Variants in EYS observed in about 807,000 individuals in gnomAD.
EYS encodes EGF-like photoreceptor maintenance factor, also known as protein eyes shut homolog.
Under a neutral mutation model 282.1 loss-of-function variants are expected in EYS, and 250 were observed. The ratio of observed to expected loss-of-function variants is 0.89; its 90% confidence interval spans 0.80 to 0.98. EYS has a LOEUF of 0.98. Among genes scored for constraint, EYS ranks in the 50% least tolerant of loss-of-function variants. EYS has a pLI of 0.00. For missense variants in EYS, 4,016 were observed against 3,709.0 expected (o/e 1.08, Z -2.15); for synonymous variants, 1,355 against 1,282.9 (o/e 1.06, Z -1.20).
At chr6:65,607,438 A>G (rs1232555628) in intron 2 of EYS, among the ~76,000 whole-genome samples, 1 of 151,878 alleles carries the variant, frequency 6.6e-6, no homozygotes, top group African/African-American at 2.4e-5. Context: ...AACAGAACCA[A>G]TACAATTAAT....
At position 64,738,746 on chromosome 6, in the gene EYS, A is replaced by G. The variant is rs143349024; in HGVS notation, c.3443+74632T>C. 5.3e-3 allele frequency among the ~76,000 whole-genome samples: 808 copies of G among 152,316 alleles called. 12 individuals are homozygous for G. The highest frequency in any genetic ancestry group is 0.018 in the African/African-American group (760 of 41,560). On this transcript the variant is annotated intron_variant, in intron 22 of 42. Coordinates refer to ENST00000503581, the MANE Select transcript of EYS (RefSeq NM_001142800.2). ...GAGAGAAAGGCCATGCAAAAAAGGA[A>G]AAAGACTCAAATTTTAGTAATTTTT... is the stretch of plus-strand genomic sequence containing the variant.
chr6:65,528,096 T>C (rs1331862072), intron 2 of EYS, among the ~76,000 whole-genome samples: 1 of 152,194 alleles, frequency 6.6e-6, no homozygotes, highest in Non-Finnish European at 1.5e-5. Flanking sequence ...AGCACATATG[T>C]TGAAACAATG....
chr6:65,436,940 C>A (rs1260699548), intron 5 of EYS, among the ~76,000 whole-genome samples: 1 of 151,872 alleles, frequency 6.6e-6, no homozygotes, highest in African/African-American at 2.4e-5. Flanking sequence ...TCAAGAATGG[C>A]CAAGACAATT....
At chr6:63,908,238 G>GTATTT (rs1403460642) in intron 35 of EYS, among the ~76,000 whole-genome samples, 10 of 151,030 alleles carry the variant, frequency 6.6e-5, no homozygotes, top group African/African-American at 2.4e-4. Flanking sequence ...TAATCATCAA[G>GTATTT]AATGCAAATT....
intron 8 of EYS, among the ~76,000 whole-genome samples, chr6:65,382,392 T>C (rs1765647357): frequency 6.6e-6 from 1 of 151,718 alleles, no homozygotes; most frequent in South Asian, 2.1e-4. Flanking sequence ...TTAAATTATC[T>C]TAGTGTTTCT....
chr6:65,298,014 G>GTCA (rs1338936274), intron 11 of EYS, among the ~76,000 whole-genome samples: 1 of 151,992 alleles, frequency 6.6e-6, no homozygotes, highest in African/African-American at 2.4e-5. Flanking sequence ...GCAAGCTTTA[G>GTCA]TCATAATGCT....
chr6:65,317,825 C>CCTTCCTTCCTTCCTTT (rs1562092985), intron 11 of EYS, among the ~76,000 whole-genome samples: 49 of 81,146 alleles, frequency 6.0e-4, no homozygotes, highest in Non-Finnish European at 7.0e-4. Context: ...TTCCTTCCTT[C>CCTTCCTTCCTTCCTTT]CTTTCTTTCT....
At chr6:65,257,964 T>C (rs1767515587) in intron 12 of EYS, among the ~76,000 whole-genome samples, 1 of 152,072 alleles carries the variant, frequency 6.6e-6, no homozygotes, top group Admixed American at 6.6e-5. Flanking sequence ...CAAGAAATTA[T>C]TGTACATTTT....
chr6:64,738,149 T>C (rs1194215130), intron 22 of EYS, among the ~76,000 whole-genome samples: 1 of 152,148 alleles, frequency 6.6e-6, no homozygotes, highest in Non-Finnish European at 1.5e-5. Context: ...CCTCAAAACC[T>C]CATATTGAAA....
At chr6:64,784,460 G>T (rs1773955643) in intron 22 of EYS, among the ~76,000 whole-genome samples, 1 of 152,006 alleles carries the variant, frequency 6.6e-6, no homozygotes, top group African/African-American at 2.4e-5. Flanking sequence ...AATATGGTTT[G>T]CTAGCTATCT....
chr6:65,466,183 C>T (rs948721133), intron 5 of EYS, among the ~76,000 whole-genome samples: 1 of 151,640 alleles, frequency 6.6e-6, no homozygotes, highest in Non-Finnish European at 1.5e-5. Context: ...TTTCAAATAC[C>T]ACCACTAAAA....
intron 12 of EYS, among the ~76,000 whole-genome samples, chr6:65,168,562 C>T (rs1398804510): frequency 6.6e-6 from 1 of 151,096 alleles, no homozygotes; most frequent in Admixed American, 6.6e-5. Flanking sequence ...TAATCCTATT[C>T]ATGAGGGCTA....
chr6:64,955,828 C>A (rs1471237499), intron 14 of EYS, among the ~76,000 whole-genome samples: 1 of 152,074 alleles, frequency 6.6e-6, no homozygotes, highest in Non-Finnish European at 1.5e-5. Context: ...GAAAAAATAT[C>A]CCCAGCACTC....
chr6:64,232,336 T>G (rs1237157730), intron 30 of EYS, among the ~76,000 whole-genome samples: 1 of 135,790 alleles, frequency 7.4e-6, no homozygotes, highest in African/African-American at 2.7e-5. Flanking sequence ...TATAAATAAT[T>G]TTGAATCTTT....
At chr6:65,088,667 A>C (rs111374325) in intron 12 of EYS, among the ~76,000 whole-genome samples, 13 of 152,172 alleles carry the variant, frequency 8.5e-5, no homozygotes, top group African/African-American at 3.1e-4. Context: ...GGAGAAATTC[A>C]AGCCTGCTAT....
At chr6:65,465,634 T>A (rs1233197052) in intron 5 of EYS, among the ~76,000 whole-genome samples, 1 of 152,132 alleles carries the variant, frequency 6.6e-6, no homozygotes, top group Non-Finnish European at 1.5e-5. Context: ...AGCGTTGAGA[T>A]AAATAAATAT....
chr6:65,518,347 T>C (rs1767220603), intron 2 of EYS, among the ~76,000 whole-genome samples: 1 of 152,074 alleles, frequency 6.6e-6, no homozygotes, highest in Non-Finnish European at 1.5e-5. Flanking sequence ...TCATCTCTTC[T>C]CCAAAAAGGG....
intron 33 of EYS, among the ~76,000 whole-genome samples, chr6:64,044,965 A>G (rs1369876616): frequency 6.6e-6 from 1 of 152,210 alleles, no homozygotes; most frequent in African/African-American, 2.4e-5. Flanking sequence ...AGCTGTATGT[A>G]GAACATTGTA....
chr6:64,680,467 T>C (rs980023228), intron 22 of EYS, among the ~76,000 whole-genome samples: 6 of 152,176 alleles, frequency 3.9e-5, no homozygotes, highest in African/African-American at 1.4e-4. Flanking sequence ...GCTGACTGTG[T>C]TGGAATCTCT....
Sources: gnomAD v4.1 joint callset for allele counts (sites outside exome capture counted in the v4.1 genomes callset) on GRCh38, gnomAD v4.1.1 for gene constraint, MANE v1.5 for transcripts, NCBI Gene and HGNC (gene_info 2026-07-23, HGNC 2026-07-21) for gene names.